USH2A: variants seen among roughly 807,000 people sequenced by gnomAD.
USH2A encodes Usher syndrome 2A (autosomal recessive, mild).
A neutral mutation model predicts 538.9 loss-of-function variants in USH2A; 443 were observed. The ratio of observed to expected loss-of-function variants is 0.82; its 90% CI spans 0.76 to 0.89. The LOEUF is 0.89. Among genes scored for constraint, USH2A ranks in the 40% least tolerant of loss-of-function variants. The probability of loss-of-function intolerance (pLI) is 0.00; values close to 1 mark genes in which losing one functional copy is unlikely to be tolerated. For missense variants in USH2A, 6,633 were observed against 6,324.8 expected (o/e 1.05, Z -1.65); for synonymous variants, 2,413 against 2,273.5 (o/e 1.06, Z -1.75).
At chr1:216,297,233 T>C (rs754787115) in intron 9 of USH2A, among the ~76,000 whole-genome samples, 1 of 152,030 alleles carries the variant, frequency 6.6e-6, no homozygotes, top group Non-Finnish European at 1.5e-5. Flanking sequence ...CAATCAGTTA[T>C]CAAAGTGCTT....
intron 64 of USH2A, among the ~76,000 whole-genome samples, chr1:215,668,095 C>T (rs1657690563): frequency 6.6e-6 from 1 of 152,188 alleles, no homozygotes; most frequent in Non-Finnish European, 1.5e-5. Context: ...CTCAAAAACA[C>T]ACTCCTCTGC....
At chr1:216,210,660 T>C (rs1040760402) in intron 15 of USH2A, among the ~76,000 whole-genome samples, 4 of 152,112 alleles carry the variant, frequency 2.6e-5, no homozygotes, top group African/African-American at 9.7e-5. Flanking sequence ...GTAGTAACTG[T>C]TGTAGTGATG....
chr1:216,175,105 G>T, intron 21 of USH2A, 147 bp downstream of exon 21: 1 of 1,491,680 alleles, frequency 6.7e-7, no homozygotes, highest in Non-Finnish European at 8.9e-7. Context: ...TGGACATGCT[G>T]AAACAATCAG....
chr1:215,792,408 A>G (rs1662006881), intron 50 of USH2A, among the ~76,000 whole-genome samples: 1 of 152,214 alleles, frequency 6.6e-6, no homozygotes, highest in Non-Finnish European at 1.5e-5. Flanking sequence ...TTCTTTAATT[A>G]TTATCAACCT....
intron 32 of USH2A, among the ~76,000 whole-genome samples, chr1:216,030,053 G>GAT (rs35186372): frequency 9.6e-3 from 518 of 53,812 alleles, no homozygotes; most frequent in East Asian, 0.014. Context: ...TGGTATATAT[G>GAT]ATATATCACA....
chr1:216,235,419 A>G (rs760384615), intron 13 of USH2A, among the ~76,000 whole-genome samples: 1 of 152,168 alleles, frequency 6.6e-6, no homozygotes, highest in Non-Finnish European at 1.5e-5. Flanking sequence ...TCACATATAC[A>G]TGGTCCAAAT....
Position 215,634,810 on chromosome 1 carries a change from G to T in USH2A, c.15053-107C>A. On this transcript the variant is annotated intron_variant, in intron 69 of 71. Transcript: ENST00000307340. ...ATTAGAGAGGAGTTGAAAGCAGAAAGCAGTTTGTCTCTTACTGCTTGTTTG... is the reference window on the plus strand; with the variant it reads ...ATTAGAGAGGAGTTGAAAGCAGAAATCAGTTTGTCTCTTACTGCTTGTTTG... The T allele has an allele frequency of 2.5e-6, 4 of 1,585,668 alleles. No homozygotes were observed. The African/African-American group carries it at 5.4e-5, about 21-fold the overall frequency.
intron 34 of USH2A, among the ~76,000 whole-genome samples, chr1:215,996,911 T>C (rs1354241731): frequency 6.6e-6 from 1 of 152,182 alleles, no homozygotes; most frequent in Non-Finnish European, 1.5e-5. Context: ...AATCCCCGTG[T>C]AGCTTCCTCT....
rs1655985177 is a variant in USH2A, at chr1:215,625,517, A to C, written c.*264T>G. 2.0e-6 allele frequency: 1 copy of C among 499,588 alleles called. No individual in the cohort carries two copies. Among genetic ancestry groups the C allele is most frequent in the East Asian group, 3.7e-5 (1 of 27,016 alleles). The allele number at this position is 499,588 out of a possible 1,614,324, so 30.9% of individuals were successfully genotyped here. ...TCACTGCCAAACAGAACCAAGTGACAATTACATACTTCTTTGTCTTCTACA... is the reference window on the plus strand; with the variant it reads ...TCACTGCCAAACAGAACCAAGTGACCATTACATACTTCTTTGTCTTCTACA... On this transcript the variant is annotated 3_prime_UTR_variant, in exon 72 of 72. Transcript: ENST00000307340.
intron 37 of USH2A, among the ~76,000 whole-genome samples, chr1:215,948,110 TA>T (rs1208982897): frequency 6.6e-6 from 1 of 152,114 alleles, no homozygotes; most frequent in Non-Finnish European, 1.5e-5. Flanking sequence ...ACATCTCTTG[TA>T]TAACAATCTC....
intron 61 of USH2A, among the ~76,000 whole-genome samples, chr1:215,716,302 C>A (rs966231374): frequency 3.9e-5 from 6 of 152,200 alleles, no homozygotes; most frequent in Non-Finnish European, 8.8e-5. Context: ...ATGAGCTATG[C>A]GTCTTGACGG....
intron 38 of USH2A, among the ~76,000 whole-genome samples, chr1:215,916,731 G>A (rs573865535): frequency 4.0e-4 from 61 of 152,134 alleles, no homozygotes; most frequent in African/African-American, 1.4e-3. Context: ...AGAAAGGGGG[G>A]CAGAGGTGGG....
intron 21 of USH2A, among the ~76,000 whole-genome samples, chr1:216,145,526 C>T (rs141535717): frequency 9.9e-5 from 15 of 152,124 alleles, no homozygotes; most frequent in Non-Finnish European, 1.9e-4. Context: ...CTTTAACATC[C>T]CCCTGGGCAG....
intron 44 of USH2A, among the ~76,000 whole-genome samples, chr1:215,866,776 G>T (rs1362370582): frequency 6.6e-6 from 1 of 152,112 alleles, no homozygotes; most frequent in Non-Finnish European, 1.5e-5. Context: ...AATGGCACAG[G>T]GGCCCCAGGG....
chr1:215,857,464 A>G (rs1664199825), intron 44 of USH2A, among the ~76,000 whole-genome samples: 1 of 152,338 alleles, frequency 6.6e-6, no homozygotes, highest in South Asian at 2.1e-4. Flanking sequence ...GCCTTAAGCC[A>G]GAAGCCAGAA....
At chr1:216,093,496 C>T (rs1331256965) in intron 22 of USH2A, among the ~76,000 whole-genome samples, 3 of 152,084 alleles carry the variant, frequency 2.0e-5, no homozygotes, top group Non-Finnish European at 4.4e-5. Context: ...AGGTGATCAC[C>T]GTAAAGGATA....
intron 54 of USH2A, among the ~76,000 whole-genome samples, chr1:215,780,651 C>A (rs902556398): frequency 6.6e-6 from 1 of 152,224 alleles, no homozygotes; most frequent in African/African-American, 2.4e-5. Flanking sequence ...AAATTGGCTT[C>A]TTTCATAGAA....
At chr1:215,683,767 A>G (rs2102675056) in intron 61 of USH2A, among the ~76,000 whole-genome samples, 1 of 151,560 alleles carries the variant, frequency 6.6e-6, no homozygotes, top group East Asian at 2.0e-4. Context: ...TTTCCTCTAT[A>G]GAGATTATCT....
chr1:215,650,894 A>T, intron 64 of USH2A, 93 bp from the exon 65 acceptor site: 1 of 1,347,906 alleles, frequency 7.4e-7, no homozygotes, highest in Admixed American at 2.1e-5. Context: ...CGAAATTGGC[A>T]ACCAAAAGCA....
Sources: gnomAD v4.1 joint callset for allele counts (sites outside exome capture counted in the v4.1 genomes callset) on GRCh38, gnomAD v4.1.1 for gene constraint, MANE v1.5 for transcripts, NCBI Gene and HGNC (gene_info 2026-07-23, HGNC 2026-07-21) for gene names.